HDAC9: variants seen among roughly 807,000 people sequenced by gnomAD.
HDAC9 encodes the protein MEF-2 interacting transcription repressor (MITR) protein.
A neutral mutation model predicts 139.4 loss-of-function variants in HDAC9; 41 were observed. The observed-to-expected ratio is 0.29, with a 90% CI of 0.23 to 0.38. The LOEUF is 0.38. HDAC9 is among the 10% of genes least tolerant of loss of function. The pLI is 1.00. For missense variants in HDAC9, 1,147 were observed against 1,297.0 expected, an observed-to-expected ratio of 0.88 and a Z score of 1.78; for synonymous variants, 517 against 476.2, an observed-to-expected ratio of 1.09 and a Z score of -1.12.
chr7:18,530,301 T>A (rs1563165672), intron 2 of HDAC9, among the ~76,000 whole-genome samples: 1 of 152,068 alleles, frequency 6.6e-6, no homozygotes, highest in Non-Finnish European at 1.5e-5. Context: ...TATAAAATAA[T>A]GTATGTTCTA....
At chr7:18,886,051 T>TTTA (rs1326330142) in intron 22 of HDAC9, among the ~76,000 whole-genome samples, 3 of 152,234 alleles carry the variant, frequency 2.0e-5, no homozygotes, top group Admixed American at 6.5e-5. Flanking sequence ...GCAACATGGC[T>TTTA]GATTAAGAAG....
At chr7:18,792,290 T>C (rs1483636314) in intron 16 of HDAC9, among the ~76,000 whole-genome samples, 2 of 151,538 alleles carry the variant, frequency 1.3e-5, no homozygotes, top group Non-Finnish European at 2.9e-5. Context: ...AAAAGCTTTG[T>C]TTTATGCAGA....
chr7:18,955,347 A>G (rs1256018674), intron 24 of HDAC9, among the ~76,000 whole-genome samples: 2 of 152,102 alleles, frequency 1.3e-5, no homozygotes, highest in African/African-American at 4.8e-5. Context: ...ATGTCATTCT[A>G]GATTTCAAAG....
intron 12 of HDAC9, among the ~76,000 whole-genome samples, chr7:18,726,210 AGTTGT>A (rs1175911499): frequency 1.3e-5 from 2 of 152,218 alleles, no homozygotes; most frequent in East Asian, 3.8e-4. Flanking sequence ...CAATGAGTAC[AGTTGT>A]GTTGTATACA....
At chr7:18,613,155 G>C (rs1229896779) in intron 6 of HDAC9, among the ~76,000 whole-genome samples, 1 of 149,866 alleles carries the variant, frequency 6.7e-6, no homozygotes, top group Non-Finnish European at 1.5e-5. Context: ...ACTGAATACA[G>C]TCAGTCTATT....
chr7:18,915,617 C>G (rs1425228076), intron 22 of HDAC9, among the ~76,000 whole-genome samples: 1 of 147,142 alleles, frequency 6.8e-6, no homozygotes, highest in East Asian at 2.0e-4. Flanking sequence ...TATGTTGCAG[C>G]TTAATTTCTT....
rs548744266 is a variant in HDAC9 at position 18,589,304 on chromosome 7, T to A, written c.265-1032T>A. 6.6e-5 allele frequency among the ~76,000 whole-genome samples: 10 copies of A among 152,262 alleles called. No individual in the cohort carries two copies. In the East Asian group the frequency reaches 9.7e-4, roughly 15 times the overall value. ...AGTTAGAGAGGCCAAGGTTGGAGCA[T>A]CACTTGAGGCCAGGAGTTTGAGACT... On this transcript the variant is annotated intron_variant, in intron 3 of 25. Transcript: ENST00000686413.
At chr7:18,526,298 A>T (rs1427648084) in intron 2 of HDAC9, among the ~76,000 whole-genome samples, 2 of 152,160 alleles carry the variant, frequency 1.3e-5, no homozygotes, top group Admixed American at 1.3e-4. Flanking sequence ...ACCACCCCCA[A>T]TGCCAAAAAG....
intron 17 of HDAC9, among the ~76,000 whole-genome samples, chr7:18,823,907 G>T (rs1795178377): frequency 6.6e-6 from 1 of 151,782 alleles, no homozygotes; most frequent in Non-Finnish European, 1.5e-5. Flanking sequence ...TTAGCCCACG[G>T]GTTGAGACTG....
At chr7:18,836,218 A>G (rs950506810) in intron 21 of HDAC9, among the ~76,000 whole-genome samples, 4 of 152,168 alleles carry the variant, frequency 2.6e-5, no homozygotes, top group Admixed American at 2.0e-4. Context: ...CCAAATAAGG[A>G]GGAAAAAATA....
chr7:18,666,099 A>G (rs938442686), intron 11 of HDAC9, 114 bp from the exon 12 acceptor site: 2 of 1,143,000 alleles, frequency 1.7e-6, no homozygotes, highest in South Asian at 1.6e-5. Flanking sequence ...TCTGAAATTT[A>G]TGTTCAATGA....
rs78674658 is a variant in HDAC9 at position 18,928,030 on chromosome 7, A to C, written c.2804-7779A>C. ...ATCCAATAGATCACAATGTGTCACC[A>C]TTTCTTTATTAACCAAACGAATCAT... On this transcript the variant is annotated intron_variant, in intron 22 of 25. Coordinates refer to ENST00000686413, the MANE Select transcript of HDAC9 (RefSeq NM_178425.4). Among the ~76,000 whole-genome samples, 395 of 152,328 alleles carry C rather than the reference A, an allele frequency of 2.6e-3. 7 individuals are homozygous for C. The East Asian group carries it at 0.067, about 26-fold the overall frequency.
chr7:18,378,065 A>C (rs1489563501), intron 1 of HDAC9, among the ~76,000 whole-genome samples: 1 of 152,192 alleles, frequency 6.6e-6, no homozygotes, highest in Non-Finnish European at 1.5e-5. Flanking sequence ...TTAGTTAGCA[A>C]AATGAAGTGC....
At chr7:18,364,497 A>G (rs894354910) in intron 1 of HDAC9, among the ~76,000 whole-genome samples, 1 of 152,222 alleles carries the variant, frequency 6.6e-6, no homozygotes, top group African/African-American at 2.4e-5. Context: ...GTGTTTTGAA[A>G]GTAAAGAAGA....
intron 25 of HDAC9, among the ~76,000 whole-genome samples, chr7:18,995,350 G>A (rs1161418903): frequency 6.6e-6 from 1 of 152,166 alleles, no homozygotes; most frequent in African/African-American, 2.4e-5. Context: ...CTAAAAGTTT[G>A]CCTTAAAGCA....
At chr7:18,220,215 G>A (rs1426419810) in intron 2 of HDAC9, among the ~76,000 whole-genome samples, 1 of 152,188 alleles carries the variant, frequency 6.6e-6, no homozygotes, top group Non-Finnish European at 1.5e-5. Context: ...CTGACCAAGA[G>A]TGTATGTGAT....
At chr7:18,157,924 G>C (rs2049725) in intron 1 of HDAC9, among the ~76,000 whole-genome samples, 17,706 of 151,462 alleles carry the variant, frequency 0.12, 1,706 homozygotes, top group African/African-American at 0.27. Flanking sequence ...TAAATGATCT[G>C]TATAGTGATT....
chr7:18,394,751 G>A (rs915920410), intron 1 of HDAC9, among the ~76,000 whole-genome samples: 3 of 152,068 alleles, frequency 2.0e-5, no homozygotes, highest in Non-Finnish European at 4.4e-5. Flanking sequence ...ACCATGTCAG[G>A]CTGTAACAAG....
intron 1 of HDAC9, among the ~76,000 whole-genome samples, chr7:18,473,229 T>A (rs1413712912): frequency 3.9e-5 from 6 of 152,194 alleles, no homozygotes; most frequent in Non-Finnish European, 7.3e-5. Flanking sequence ...CTTCTCAGTA[T>A]CTGTATCAGC....
Sources: allele counts gnomAD v4.1 joint callset (sites outside exome capture counted in the v4.1 genomes callset), GRCh38; gene constraint gnomAD v4.1.1; transcripts MANE v1.5; gene names NCBI Gene and HGNC (gene_info 2026-07-23, HGNC 2026-07-21).